GRM8: variants seen among roughly 807,000 people sequenced by gnomAD.
GRM8 encodes the protein glutamate metabotropic receptor 8.
A neutral mutation model predicts 87.2 loss-of-function variants in GRM8; 47 were observed. The ratio of observed to expected loss-of-function variants is 0.54; its 90% confidence interval spans 0.43 to 0.69. GRM8 has a LOEUF of 0.69. Ranked by LOEUF, GRM8 falls within the 30% of genes least tolerant of loss-of-function variation. GRM8 has a pLI of 0.00. For synonymous variants in GRM8, 396 were observed against 404.5 expected (o/e 0.98, Z 0.25); for missense variants, 1,019 against 1,139.2 (o/e 0.89, Z 1.52).
chr7:127,026,003 C>G (rs1008248059), intron 3 of GRM8, among the ~76,000 whole-genome samples: 4 of 152,164 alleles, frequency 2.6e-5, no homozygotes, highest in African/African-American at 7.2e-5. Flanking sequence ...CCTCCCCCAG[C>G]CCCCTGCCCC....
At chr7:126,860,646 TGTAG>T (rs1389082891) in intron 6 of GRM8, among the ~76,000 whole-genome samples, 1 of 152,174 alleles carries the variant, frequency 6.6e-6, no homozygotes, top group Non-Finnish European at 1.5e-5. Context: ...TTACCCAGTT[TGTAG>T]ATATTAACTC....
At chr7:127,211,394 C>A (rs17863242) in intron 2 of GRM8, among the ~76,000 whole-genome samples, 1 of 152,086 alleles carries the variant, frequency 6.6e-6, no homozygotes, top group Non-Finnish European at 1.5e-5. Context: ...CTAGTCATTC[C>A]GCATTCTTCT....
At chr7:126,588,424 C>T (rs1796367046) in intron 8 of GRM8, among the ~76,000 whole-genome samples, 2 of 152,136 alleles carry the variant, frequency 1.3e-5, no homozygotes, top group African/African-American at 4.8e-5. Flanking sequence ...AGTTGAACTA[C>T]CATTCGACCC....
Position 127,243,456 on chromosome 7 carries a change from G to C in GRM8, c.-252C>G. 1 of 487,164 alleles carries C rather than the reference G, an allele frequency of 2.1e-6. No individual in the cohort carries two copies. The highest frequency in any genetic ancestry group is 1.9e-5 in the African/African-American group (1 of 51,476). 30.2% of individuals were successfully genotyped at this position (487,164 alleles called of 1,614,324 possible). A position where few individuals can be genotyped will look rare whatever the true frequency, so the allele number is the denominator to read the frequency against. Reference sequence around the variant, plus strand: ...CAAAAATTAGAACATCTGAGGTTCTGATGTTGGGATGAGGTCAACAATTCA... The same window carrying C: ...CAAAAATTAGAACATCTGAGGTTCTCATGTTGGGATGAGGTCAACAATTCA... On this transcript the variant is annotated 5_prime_UTR_variant, in exon 2 of 11. The change creates a new upstream start codon in the 5' untranslated region. Coordinates refer to ENST00000339582, the MANE Select transcript of GRM8 (RefSeq NM_000845.3).
intron 8 of GRM8, among the ~76,000 whole-genome samples, chr7:126,606,792 C>G (rs1798400290): frequency 1.3e-5 from 2 of 152,114 alleles, no homozygotes; most frequent in South Asian, 4.1e-4. Flanking sequence ...AACGATAATA[C>G]AGTCATAAAC....
At chr7:126,656,332 T>C (rs543613349) in intron 7 of GRM8, among the ~76,000 whole-genome samples, 6 of 152,244 alleles carry the variant, frequency 3.9e-5, no homozygotes, top group African/African-American at 1.4e-4. Flanking sequence ...GGCATTTGAA[T>C]TGGTGAGAGA....
At chr7:127,057,600 T>G (rs1273676714) in intron 3 of GRM8, among the ~76,000 whole-genome samples, 1 of 152,176 alleles carries the variant, frequency 6.6e-6, no homozygotes, top group Non-Finnish European at 1.5e-5. Context: ...TTAACATATC[T>G]CTATTATTAA....
At chr7:127,101,290 C>T (rs1321062280) in intron 3 of GRM8, among the ~76,000 whole-genome samples, 1 of 152,116 alleles carries the variant, frequency 6.6e-6, no homozygotes, top group Admixed American at 6.5e-5. Context: ...TCTTCTACTT[C>T]TTATAGTACA....
chr7:126,800,052 A>G (rs1822478231), intron 6 of GRM8, among the ~76,000 whole-genome samples: 1 of 152,168 alleles, frequency 6.6e-6, no homozygotes, highest in Admixed American at 6.5e-5. Context: ...CAGAAAGTGT[A>G]TACATCCTCT....
intron 8 of GRM8, among the ~76,000 whole-genome samples, chr7:126,601,364 C>T (rs12381419): frequency 0.31 from 46,837 of 151,692 alleles, 8,104 homozygotes; most frequent in East Asian, 0.44. Flanking sequence ...CAAGTCTTTG[C>T]TATGGTGAAT....
chr7:126,826,076 T>C (rs1794760109), intron 6 of GRM8, among the ~76,000 whole-genome samples: 1 of 152,218 alleles, frequency 6.6e-6, no homozygotes, highest in South Asian at 2.1e-4. Flanking sequence ...CTGCATAGTG[T>C]TCCATTGTGT....
intron 8 of GRM8, among the ~76,000 whole-genome samples, chr7:126,568,599 A>G (rs1420824324): frequency 6.6e-6 from 1 of 152,148 alleles, no homozygotes; most frequent in African/African-American, 2.4e-5. Context: ...TTTGAAGTAA[A>G]TGATTATTCC....
At chr7:127,086,251 C>A (rs868717318) in intron 3 of GRM8, among the ~76,000 whole-genome samples, 1 of 152,134 alleles carries the variant, frequency 6.6e-6, no homozygotes, top group Non-Finnish European at 1.5e-5. Context: ...CAGGCACACG[C>A]CACCACACCC....
chr7:126,457,291 C>A, intron 9 of GRM8, among the ~76,000 whole-genome samples: 1 of 150,818 alleles, frequency 6.6e-6, no homozygotes, highest in East Asian at 2.0e-4. Context: ...AAACATGATA[C>A]AAAATTTGAA....
At chr7:126,584,371 C>A (rs531789303) in intron 8 of GRM8, among the ~76,000 whole-genome samples, 32 of 152,040 alleles carry the variant, frequency 2.1e-4, no homozygotes, top group Non-Finnish European at 4.1e-4. Context: ...ATTACAGGCA[C>A]ACGCCACCAT....
chr7:126,943,078 C>A (rs1224094685), intron 3 of GRM8, among the ~76,000 whole-genome samples: 1 of 152,160 alleles, frequency 6.6e-6, no homozygotes, highest in Non-Finnish European at 1.5e-5. Flanking sequence ...GCTGCTGGGC[C>A]TTTGGCTCTC....
intron 7 of GRM8, among the ~76,000 whole-genome samples, chr7:126,763,166 T>C (rs80248861): frequency 3.7e-4 from 56 of 151,468 alleles, no homozygotes; most frequent in Non-Finnish European, 7.1e-4. Context: ...TAATTTGTAA[T>C]ATCCAAGTGT....
At chr7:126,725,908 G>A (rs757891441) in intron 7 of GRM8, among the ~76,000 whole-genome samples, 7 of 152,118 alleles carry the variant, frequency 4.6e-5, no homozygotes, top group East Asian at 3.9e-4. Flanking sequence ...GAGAGCTCAC[G>A]TGTTATCAAG....
intron 3 of GRM8, among the ~76,000 whole-genome samples, chr7:127,040,222 G>A (rs1288741153): frequency 6.6e-6 from 1 of 152,028 alleles, no homozygotes; most frequent in Non-Finnish European, 1.5e-5. Flanking sequence ...CTGCCATGCT[G>A]AGTCAGCAAC....
Sources: gnomAD v4.1 joint callset for allele counts (sites outside exome capture counted in the v4.1 genomes callset) on GRCh38, gnomAD v4.1.1 for gene constraint, MANE v1.5 for transcripts, NCBI Gene and HGNC (gene_info 2026-07-23, HGNC 2026-07-21) for gene names.